The following SLC20A2 variants were observed in gnomAD, a reference collection of about 807,000 sequenced individuals.
The protein encoded by SLC20A2 is sodium-dependent phosphate transporter 2.
Under a neutral mutation model 61.0 loss-of-function variants are expected in SLC20A2, and 30 were observed. The ratio of observed to expected loss-of-function variants is 0.49; its 90% CI spans 0.37 to 0.67. The LOEUF is 0.67. SLC20A2 is among the 30% of genes least tolerant of loss of function. The probability of loss-of-function intolerance (pLI) is 0.00; values close to 1 mark genes in which losing one functional copy is unlikely to be tolerated. For synonymous variants in SLC20A2, 351 were observed against 353.3 expected (o/e 0.99, Z 0.07); for missense variants, 626 against 866.4 (o/e 0.72, Z 3.48).
In SLC20A2 at chr8:42,439,604, G is replaced by A. The variant is rs1804612673; in HGVS notation, c.780C>T (p.Leu260=). ...GALSRVSDES[L]SKVQEAESPV... ...GGGACTCTGCTTCCTGAACCTTACT[G>A]AGGCTTTCGTCAGATACTCGTGATA... Residue 260 remains leucine (L), a synonymous_variant, in exon 7 of 11, where the codon CTC becomes CTT. Coordinates refer to ENST00000520262, the MANE Select transcript of SLC20A2 (RefSeq NM_001257180.2). The A allele has an allele frequency of 1.2e-6, 2 of 1,614,078 alleles. No individual in the cohort carries two copies. Among genetic ancestry groups the A allele is most frequent in the Admixed American group, 1.7e-5 (1 of 59,998 alleles).
chr8:42,512,619 G>A (rs1811094356), intron 1 of SLC20A2, among the ~76,000 whole-genome samples: 1 of 152,126 alleles, frequency 6.6e-6, no homozygotes, highest in Admixed American at 6.6e-5. Flanking sequence ...CCAAAGTGCT[G>A]GGAATACAGG....
chr8:42,538,340 C>T (rs1812841236), intron 1 of SLC20A2: 1 of 151,232 alleles, frequency 6.6e-6, no homozygotes, highest in Admixed American at 6.6e-5. Flanking sequence ...ATCCTGTAGC[C>T]TTGAAGAGCT....
In SLC20A2 at chr8:42,540,066, C is replaced by T. The variant is rs923591348; in HGVS notation, c.-265+1755G>A. On this transcript the variant is annotated intron_variant, in intron 1 of 10. Coordinates refer to the SLC20A2 transcript ENST00000342228. The stretch of plus-strand genomic sequence containing the variant: ...CAGCACTTTGGGAGGCCGAGGCGGG[C>T]GGAACACCTGAGGTCTGGAGTTCGA... 2.0e-5 allele frequency among the ~76,000 whole-genome samples: 3 copies of T among 152,194 alleles called. No individual in the cohort carries two copies. The South Asian group carries it at 6.2e-4, about 32-fold the overall frequency.
At chr8:42,475,972 G>A (rs915776686) in intron 1 of SLC20A2, among the ~76,000 whole-genome samples, 6 of 151,886 alleles carry the variant, frequency 4.0e-5, no homozygotes, top group Non-Finnish European at 1.5e-5. Context: ...AAAAATAACC[G>A]AGTGGGTTTT....
rs896549052 is a variant in SLC20A2, at chr8:42,437,139, G to A, written c.1373C>T (p.Ser458Leu). ...CGGCTGGTCAGGGTCGGCCAGCTCC[G>A]ACGCCAGCTTCATCTCCACGCCGCC... ...EEGGVEMKLA[S>L]ELADPDQPRE... The change falls in exon 8 of 11, where the codon TCG (serine) becomes TTG (leucine). Residue 458 changes from serine (S) to leucine (L), a missense_variant. Ser to Leu is a moderately radical substitution (Grantham distance 145, BLOSUM62 -2). This residue lies in a region of SLC20A2 where 361 missense variants were observed against 422.3 expected (regional missense o/e 0.85). Transcript: ENST00000520262. This position sits in a 1 kb window ranked among gnomAD's most constrained non-coding sequence, Gnocchi z 6.4. 1.2e-6 allele frequency: 2 copies of A among 1,613,748 alleles called. No individual in the cohort carries two copies. The highest frequency in any genetic ancestry group is 1.7e-6 in the Non-Finnish European group (2 of 1,180,046).
chr8:42,541,092 G>A (rs1813094578), intron 1 of SLC20A2: 1 of 152,170 alleles, frequency 6.6e-6, no homozygotes, highest in Non-Finnish European at 1.5e-5. Context: ...GAAATCCTCT[G>A]CGCCGCCCGG....
Position 42,417,830 on chromosome 8 carries a change from G to T in SLC20A2, c.1932C>A (p.Leu644=). The change falls in exon 11 of 11, where the codon CTC becomes CTA. Residue 644 remains leucine (L), a synonymous_variant. Transcript: ENST00000520262. ...ACACATATGGAAGGATCCCATACAT[G>T]AGAAGAGCCATGACAGCAGCGCTGA... ...GLFSAAVMAL[L]MYGILPYV 1 of 1,614,110 alleles carries T rather than the reference G, an allele frequency of 6.2e-7. No individual in the cohort carries two copies. The highest frequency in any genetic ancestry group is 8.5e-7 in the Non-Finnish European group (1 of 1,180,010).
At chr8:42,519,311 G>A (rs1439381238) in intron 1 of SLC20A2, among the ~76,000 whole-genome samples, 1 of 152,154 alleles carries the variant, frequency 6.6e-6, no homozygotes, top group African/African-American at 2.4e-5. Flanking sequence ...GGGCATGGTG[G>A]CATGTGCCTG....
chr8:42,490,860 T>C (rs1036138430), intron 1 of SLC20A2, among the ~76,000 whole-genome samples: 1 of 152,166 alleles, frequency 6.6e-6, no homozygotes, highest in African/African-American at 2.4e-5. Flanking sequence ...GCCACTTTAA[T>C]TTCAAGTCAG....
At chr8:42,475,913 A>T (rs1249642793) in intron 1 of SLC20A2, among the ~76,000 whole-genome samples, 1 of 152,046 alleles carries the variant, frequency 6.6e-6, no homozygotes, top group Non-Finnish European at 1.5e-5. Flanking sequence ...CAGATGGTGG[A>T]TTAAACATGG....
intron 5 of SLC20A2, among the ~76,000 whole-genome samples, chr8:42,455,454 A>G (rs1806124535): frequency 6.6e-6 from 1 of 151,502 alleles, no homozygotes; most frequent in Admixed American, 6.6e-5. Context: ...AGGTCAGGAG[A>G]TAGAGACCAT....
chr8:42,469,554 C>G (rs1363399373), intron 2 of SLC20A2, among the ~76,000 whole-genome samples: 1 of 152,152 alleles, frequency 6.6e-6, no homozygotes, highest in Non-Finnish European at 1.5e-5. Flanking sequence ...AGGTCTTCAG[C>G]GTGGCTTCCC....
intron 1 of SLC20A2, among the ~76,000 whole-genome samples, chr8:42,483,365 C>T (rs1808697485): frequency 6.6e-6 from 1 of 152,182 alleles, no homozygotes; most frequent in Non-Finnish European, 1.5e-5. Context: ...GAGCAAAACT[C>T]CGTCTTAAAA....
chr8:42,433,603 A>G (rs1352643857), intron 8 of SLC20A2, among the ~76,000 whole-genome samples: 3 of 152,190 alleles, frequency 2.0e-5, no homozygotes, highest in Admixed American at 2.0e-4. Context: ...GATTACAGGC[A>G]TGAGTAGTAT....
intron 1 of SLC20A2, among the ~76,000 whole-genome samples, chr8:42,479,508 A>C (rs772580318): frequency 7.9e-5 from 12 of 152,132 alleles, no homozygotes; most frequent in Non-Finnish European, 1.3e-4. Context: ...CTTAAAAAAA[A>C]AAAAAGTAGT....
chr8:42,514,037 C>A (rs1811179322), intron 1 of SLC20A2, among the ~76,000 whole-genome samples: 1 of 152,130 alleles, frequency 6.6e-6, no homozygotes, highest in African/African-American at 2.4e-5. Flanking sequence ...ATTGCTGGGG[C>A]CTACAAGCAC....
chr8:42,540,414 C>G (rs957709158), intron 1 of SLC20A2, among the ~76,000 whole-genome samples: 1 of 152,134 alleles, frequency 6.6e-6, no homozygotes, highest in East Asian at 1.9e-4. Context: ...GGCACAGGCC[C>G]GGCAAACAAT....
chr8:42,419,149 T>G (rs1563432349), intron 10 of SLC20A2, among the ~76,000 whole-genome samples: 1 of 152,198 alleles, frequency 6.6e-6, no homozygotes, highest in Admixed American at 6.5e-5. Flanking sequence ...CACTATTTTT[T>G]GACATTTGCC....
At chr8:42,430,000 G>A (rs996564526) in intron 9 of SLC20A2, 64 bp downstream of exon 9, 18 of 1,423,916 alleles carry the variant, frequency 1.3e-5, no homozygotes, top group Middle Eastern at 2.6e-4. Context: ...AGACACAGCC[G>A]GGAAGCTCTA....
Sources: allele counts gnomAD v4.1 joint callset (sites outside exome capture counted in the v4.1 genomes callset), GRCh38; gene constraint gnomAD v4.1.1; regional missense constraint gnomAD v4.1.1; non-coding constraint Gnocchi (gnomAD v3.1); transcripts MANE v1.5; gene names NCBI Gene and HGNC (gene_info 2026-07-23, HGNC 2026-07-21).